The following NRG3 variants were observed in gnomAD, a reference collection of about 807,000 sequenced individuals.
NRG3 encodes pro-neuregulin-3, membrane-bound isoform.
A neutral mutation model predicts 66.9 loss-of-function variants in NRG3; 31 were observed. The ratio of observed to expected loss-of-function variants is 0.46; its 90% CI spans 0.35 to 0.63. The LOEUF (loss-of-function observed/expected upper bound fraction) is 0.63. NRG3 is among the 20% of genes least tolerant of loss of function. The pLI is 0.00. For synonymous variants in NRG3, 393 were observed against 359.4 expected, an observed-to-expected ratio of 1.09 and a Z score of -1.06; for missense variants, 910 against 878.9, an observed-to-expected ratio of 1.04 and a Z score of -0.45.
intron 4 of NRG3, among the ~76,000 whole-genome samples, chr10:82,943,233 T>A (rs1285530684): frequency 1.3e-5 from 2 of 152,240 alleles, no homozygotes; most frequent in Non-Finnish European, 1.5e-5. Flanking sequence ...TCCCTAAACA[T>A]GCAGGTATGC....
intron 3 of NRG3, among the ~76,000 whole-genome samples, chr10:82,762,135 C>T (rs1591443708): frequency 1.3e-5 from 2 of 151,368 alleles, no homozygotes; most frequent in Admixed American, 1.3e-4. Flanking sequence ...CTCACTGCAG[C>T]CTCCGCCTCG....
rs373627782 is a variant in NRG3 at position 82,131,464 on chromosome 10, G to A, written c.824-227275G>A. Among the ~76,000 whole-genome samples the A allele has an allele frequency of 3.3e-5, 5 of 152,234 alleles. No homozygotes were observed. The East Asian group carries it at 9.7e-4, about 29-fold the overall frequency. On this transcript the variant is annotated intron_variant, in intron 1 of 8. Transcript: ENST00000372141. ...GCTCTGTAATATACTTTGAGGTCAA[G>A]TAATGTGATTCCTCCAGTTTTTTTC...
chr10:82,077,085 T>G (rs2133375343), intron 1 of NRG3, among the ~76,000 whole-genome samples: 1 of 152,316 alleles, frequency 6.6e-6, no homozygotes, highest in Non-Finnish European at 1.5e-5. Flanking sequence ...ACACAGCCAT[T>G]TATAATGGAA....
At chr10:82,612,096 C>T (rs1233201327) in intron 2 of NRG3, among the ~76,000 whole-genome samples, 2 of 152,056 alleles carry the variant, frequency 1.3e-5, no homozygotes, top group Non-Finnish European at 2.9e-5. Context: ...ATATCCTTTG[C>T]CCACTTTTTG....
chr10:82,497,917 T>C (rs984967110), intron 2 of NRG3, among the ~76,000 whole-genome samples: 2 of 152,220 alleles, frequency 1.3e-5, no homozygotes, highest in African/African-American at 4.8e-5. Flanking sequence ...CTCTTGTCTT[T>C]TTCATGATAG....
chr10:81,905,501 A>AT (rs1844515350), intron 1 of NRG3, among the ~76,000 whole-genome samples: 1 of 152,216 alleles, frequency 6.6e-6, no homozygotes, highest in South Asian at 2.1e-4. Context: ...TTGAAAAACA[A>AT]TATTTTCTTT....
intron 1 of NRG3, among the ~76,000 whole-genome samples, chr10:82,273,315 G>A (rs911721091): frequency 2.6e-5 from 4 of 151,896 alleles, no homozygotes; most frequent in African/African-American, 4.8e-5. Context: ...CTGTAGAGTC[G>A]ACAACTGTGT....
chr10:82,660,752 T>C (rs1435978708), intron 2 of NRG3, among the ~76,000 whole-genome samples: 1 of 152,178 alleles, frequency 6.6e-6, no homozygotes, highest in Admixed American at 6.5e-5. Context: ...CTCCATTCTT[T>C]TTCTGTCAAT....
chr10:82,116,290 G>A (rs926419785), intron 1 of NRG3, among the ~76,000 whole-genome samples: 1 of 152,010 alleles, frequency 6.6e-6, no homozygotes, highest in African/African-American at 2.4e-5. Context: ...GAGGGAAGGA[G>A]GGCATCTTTA....
intron 1 of NRG3, among the ~76,000 whole-genome samples, chr10:82,058,893 C>G (rs2063985320): frequency 6.6e-6 from 1 of 152,070 alleles, no homozygotes; most frequent in East Asian, 1.9e-4. Flanking sequence ...TGCGTCTGAC[C>G]TGGACAATAC....
intron 4 of NRG3, among the ~76,000 whole-genome samples, chr10:82,926,854 C>T (rs537452719): frequency 2.6e-5 from 4 of 152,352 alleles, no homozygotes; most frequent in African/African-American, 9.6e-5. Flanking sequence ...CTCAGTAGAT[C>T]TGCCTTTGGA....
intron 1 of NRG3, among the ~76,000 whole-genome samples, chr10:82,205,606 T>C (rs902313850): frequency 3.9e-5 from 6 of 152,092 alleles, no homozygotes; most frequent in African/African-American, 1.4e-4. Flanking sequence ...TGAGAGGACA[T>C]GTGGAAAAGA....
chr10:82,025,893 A>T (rs2062279042), intron 1 of NRG3, among the ~76,000 whole-genome samples: 1 of 151,884 alleles, frequency 6.6e-6, no homozygotes, highest in South Asian at 2.1e-4. Context: ...ACCCTTGAAA[A>T]CTTTCCTCTT....
rs539879698 is a variant in NRG3 at position 81,920,305 on chromosome 10, A to T, written c.823+44142A>T. Among the ~76,000 whole-genome samples, 3 of 152,234 alleles carry T rather than the reference A, an allele frequency of 2.0e-5. No individual in the cohort carries two copies. The East Asian group carries it at 5.8e-4, about 30-fold the overall frequency. On this transcript the variant is annotated intron_variant, in intron 1 of 8. Coordinates refer to ENST00000372141, the MANE Select transcript of NRG3 (RefSeq NM_001010848.4). ...CCTCACCCTTAGCACCCTGCAACCA[A>T]AAAGAAAATTCGAAGGGTTCCTCAC...
rs200662785 is a variant in NRG3 at position 82,377,435 on chromosome 10, CGT to C, written c.953+18589_953+18590del. ...AGAGAGGTGTATGTGTGTGTGTGCG[CGT>C]GTGTGTGTGTGTGTGTGTGTGCGCG... is the stretch of plus-strand genomic sequence containing the variant. On this transcript the variant is annotated intron_variant, in intron 2 of 8. Coordinates refer to ENST00000372141, the MANE Select transcript of NRG3 (RefSeq NM_001010848.4). 3.3e-3 allele frequency among the ~76,000 whole-genome samples: 439 copies of C among 132,066 alleles called. 1 individual carries two copies. Among genetic ancestry groups the C allele is most frequent in the South Asian group, 0.014 (61 of 4,266 alleles). 86.6% of individuals were successfully genotyped at this position (132,066 alleles called of 152,430 possible).
intron 2 of NRG3, among the ~76,000 whole-genome samples, chr10:82,615,461 T>C (rs1166523781): frequency 6.6e-6 from 1 of 152,218 alleles, no homozygotes; most frequent in African/African-American, 2.4e-5. Context: ...ATGTTTACTA[T>C]TGCCCTTTTT....
chr10:82,287,187 G>A (rs554218741), intron 1 of NRG3, among the ~76,000 whole-genome samples: 2 of 152,114 alleles, frequency 1.3e-5, no homozygotes, highest in South Asian at 2.1e-4. Flanking sequence ...GGGTCATGGG[G>A]CAGGTCCCTC....
At chr10:82,387,036 G>C (rs192572609) in intron 2 of NRG3, among the ~76,000 whole-genome samples, 2 of 152,226 alleles carry the variant, frequency 1.3e-5, no homozygotes, top group Non-Finnish European at 2.9e-5. Context: ...CTGACTTCAA[G>C]TGATCTGCCC....
At chr10:82,169,798 A>T (rs1367666582) in intron 1 of NRG3, among the ~76,000 whole-genome samples, 1 of 151,672 alleles carries the variant, frequency 6.6e-6, no homozygotes, top group Admixed American at 6.6e-5. Context: ...ATCTTTCAGT[A>T]TATCATTTTT....
Sources: allele counts gnomAD v4.1 joint callset (sites outside exome capture counted in the v4.1 genomes callset), GRCh38; gene constraint gnomAD v4.1.1; transcripts MANE v1.5; gene names NCBI Gene and HGNC (gene_info 2026-07-23, HGNC 2026-07-21).